Variants in CAP2 observed in about 807,000 individuals in gnomAD.
CAP2 encodes adenylyl cyclase-associated protein 2.
CAP2 carries 24 observed loss-of-function variants against 57.7 expected under a neutral mutation model. The ratio of observed to expected loss-of-function variants is 0.42; its 90% CI spans 0.30 to 0.58. The LOEUF (loss-of-function observed/expected upper bound fraction) is 0.58, where lower values mean the gene tolerates loss of function less well. Among genes scored for constraint, CAP2 ranks in the 20% least tolerant of loss-of-function variants. The pLI is 0.22. For missense variants in CAP2, 501 were observed against 590.3 expected, an observed-to-expected ratio of 0.85 and a Z score of 1.57; for synonymous variants, 194 against 207.2, an observed-to-expected ratio of 0.94 and a Z score of 0.55.
At chr6:17,546,264 G>A (rs1352888728) in intron 11 of CAP2, among the ~76,000 whole-genome samples, 1 of 152,138 alleles carries the variant, frequency 6.6e-6, no homozygotes, top group African/African-American at 2.4e-5. Flanking sequence ...ATCTCACTGT[G>A]GTTTTGATTT....
chr6:17,495,874 T>G lies in CAP2; in HGVS notation c.301-11295T>G, dbSNP rs553685732. ...TGTAACTGTCAATGGTGGGAGTTGT[T>G]AGAAGTGGGGACAGGGCTGGCCAAC... On this transcript the variant is annotated intron_variant, in intron 4 of 12. Coordinates refer to ENST00000229922, the MANE Select transcript of CAP2 (RefSeq NM_006366.3). Among the ~76,000 whole-genome samples, 3 of 151,822 alleles carry G rather than the reference T, an allele frequency of 2.0e-5. No individual in the cohort carries two copies. The East Asian group carries it at 5.8e-4, about 29-fold the overall frequency.
intron 3 of CAP2, among the ~76,000 whole-genome samples, chr6:17,461,992 C>CAAAAAAAAAAAAAAAAAAAAA: frequency 3.6e-4 from 10 of 27,860 alleles, no homozygotes; most frequent in East Asian, 1.1e-3. Flanking sequence ...GACTCCGTCT[C>CAAAAAAAAAAAAAAAAAAAAA]AAAAAAAAAA....
At chr6:17,408,607 A>T (rs1470313934) in intron 1 of CAP2, among the ~76,000 whole-genome samples, 1 of 151,974 alleles carries the variant, frequency 6.6e-6, no homozygotes, top group African/African-American at 2.4e-5. Context: ...AATTTGATAA[A>T]GTAAAACATT....
At chr6:17,430,148 T>G (rs572719509) in intron 3 of CAP2, among the ~76,000 whole-genome samples, 4 of 152,320 alleles carry the variant, frequency 2.6e-5, no homozygotes. Flanking sequence ...GGCTGCTGGT[T>G]GGGCTTAATT....
At chr6:17,493,056 T>C (rs1761582254) in intron 4 of CAP2, among the ~76,000 whole-genome samples, 1 of 152,222 alleles carries the variant, frequency 6.6e-6, no homozygotes. Flanking sequence ...TCTTCACGTG[T>C]GAATAAAAAA....
intron 4 of CAP2, among the ~76,000 whole-genome samples, chr6:17,469,930 G>T (rs1423391593): frequency 6.6e-6 from 1 of 152,160 alleles, no homozygotes; most frequent in South Asian, 2.1e-4. Context: ...AAAAAGCCTA[G>T]CGGCAGTGAT....
intron 11 of CAP2, among the ~76,000 whole-genome samples, chr6:17,543,698 C>T (rs962897724): frequency 1.3e-5 from 2 of 151,930 alleles, no homozygotes; most frequent in Non-Finnish European, 2.9e-5. Flanking sequence ...TTCTTGTTCC[C>T]TCTGGACACA....
intron 3 of CAP2, among the ~76,000 whole-genome samples, chr6:17,461,715 A>G (rs1760723761): frequency 6.6e-6 from 1 of 151,578 alleles, no homozygotes. Context: ...TAACAAGGCC[A>G]GGCGTGGTGG....
intron 4 of CAP2, among the ~76,000 whole-genome samples, chr6:17,503,966 C>T (rs1761906843): frequency 6.6e-6 from 1 of 152,232 alleles, no homozygotes; most frequent in Non-Finnish European, 1.5e-5. Flanking sequence ...TTTTTCCCCT[C>T]CTTCAGTAAT....
intron 3 of CAP2, among the ~76,000 whole-genome samples, chr6:17,432,856 T>C (rs945747209): frequency 8.6e-5 from 13 of 151,952 alleles, no homozygotes; most frequent in Non-Finnish European, 2.9e-5. Flanking sequence ...TTTTGTTTTT[T>C]CCCTCTTTTT....
At chr6:17,399,712 T>G (rs1342555688) in intron 1 of CAP2, among the ~76,000 whole-genome samples, 1 of 152,186 alleles carries the variant, frequency 6.6e-6, no homozygotes, top group African/African-American at 2.4e-5. Flanking sequence ...TAAATAACCT[T>G]TGATGTTCCT....
At chr6:17,520,756 A>G (rs1218739380) in intron 7 of CAP2, among the ~76,000 whole-genome samples, 1 of 152,226 alleles carries the variant, frequency 6.6e-6, no homozygotes, top group African/African-American at 2.4e-5. Context: ...AACTATGAAT[A>G]TGTATGCCTT....
intron 1 of CAP2, among the ~76,000 whole-genome samples, chr6:17,394,005 C>T (rs1349699988): frequency 6.7e-6 from 1 of 149,064 alleles, no homozygotes; most frequent in African/African-American, 2.4e-5. Context: ...CCTGCCCCCG[C>T]CTCCCCAGCT....
chr6:17,463,163 C>T lies in CAP2; in HGVS notation c.300+90C>T, dbSNP rs1433514653. 6.8e-5 allele frequency: 60 copies of T among 875,960 alleles called. 2 individuals are homozygous for T. In the South Asian group the frequency reaches 7.3e-4, roughly 11 times the overall value. The allele number at this position is 875,960 out of a possible 1,614,324, so 54.3% of individuals were successfully genotyped here. A position where few individuals can be genotyped will look rare whatever the true frequency, so the allele number is the denominator to read the frequency against. ...AGGCAACAGAAGCATTTATTATAGT[C>T]GACCTCCTAAAAATGAGACTTACAG... On this transcript the variant is annotated intron_variant, in intron 4 of 12. Transcript: ENST00000229922.
In CAP2 at chr6:17,556,479, C is replaced by T; in HGVS notation, c.*37C>T. The T allele has an allele frequency of 7.1e-7, 1 of 1,399,580 alleles. No individual in the cohort carries two copies. Among genetic ancestry groups the T allele is most frequent in the Non-Finnish European group, 1.0e-6 (1 of 983,966 alleles). 86.7% of individuals were successfully genotyped at this position (1,399,580 alleles called of 1,614,324 possible). ...ACCGAACCCCCTCACCTGAATCCCCCTCTATCAAACAAACAAAAAAGCAGC... is the reference window on the plus strand; with the variant it reads ...ACCGAACCCCCTCACCTGAATCCCCTTCTATCAAACAAACAAAAAAGCAGC... On this transcript the variant is annotated 3_prime_UTR_variant, in exon 13 of 13. Coordinates refer to ENST00000229922, the MANE Select transcript of CAP2 (RefSeq NM_006366.3).
intron 3 of CAP2, among the ~76,000 whole-genome samples, chr6:17,457,628 T>C (rs1401491313): frequency 6.6e-6 from 1 of 152,132 alleles, no homozygotes; most frequent in Non-Finnish European, 1.5e-5. Flanking sequence ...ATAAGCAAAA[T>C]GGAAGGGAGA....
Position 17,405,777 on chromosome 6 carries a change from G to A in CAP2, c.-2+12031G>A, listed in dbSNP as rs114987924. Among the ~76,000 whole-genome samples, 832 of 152,202 alleles carry A rather than the reference G, an allele frequency of 5.5e-3. 7 individuals are homozygous for A. The highest frequency in any genetic ancestry group is 0.019 in the African/African-American group (789 of 41,528). On this transcript the variant is annotated intron_variant, in intron 1 of 12. Coordinates refer to ENST00000229922, the MANE Select transcript of CAP2 (RefSeq NM_006366.3). ...TTTTTTTGAAACAGGGTCTCACTCT[G>A]TCACTCAGGCTGGAAGGCAGTGACA...
intron 7 of CAP2, among the ~76,000 whole-genome samples, chr6:17,537,263 T>G (rs1203362158): frequency 2.0e-5 from 3 of 152,124 alleles, no homozygotes; most frequent in African/African-American, 7.2e-5. Context: ...CTCAACTCAC[T>G]GCAACCTCTG....
intron 3 of CAP2, among the ~76,000 whole-genome samples, chr6:17,431,417 A>G (rs1331102837): frequency 6.6e-6 from 1 of 152,222 alleles, no homozygotes; most frequent in East Asian, 1.9e-4. Context: ...AACACACATA[A>G]GGCATACTAT....
Sources: gnomAD v4.1 joint callset for allele counts (sites outside exome capture counted in the v4.1 genomes callset) on GRCh38, gnomAD v4.1.1 for gene constraint, MANE v1.5 for transcripts, NCBI Gene and HGNC (gene_info 2026-07-23, HGNC 2026-07-21) for gene names.